The following TBC1D31 variants were observed in gnomAD, a reference collection of about 807,000 sequenced individuals.
TBC1D31 encodes the protein TBC1 domain family member 31, also known as WD repeat domain 67.
A neutral mutation model predicts 132.9 loss-of-function variants in TBC1D31; 99 were observed. The ratio of observed to expected loss-of-function variants is 0.74; its 90% CI spans 0.63 to 0.88. The LOEUF is 0.88. TBC1D31 is among the 40% of genes least tolerant of loss of function. The pLI, the probability that TBC1D31 is intolerant of heterozygous loss-of-function variation, is 0.00. For missense variants in TBC1D31, 1,134 were observed against 1,256.6 expected, an observed-to-expected ratio of 0.90 and a Z score of 1.48; for synonymous variants, 385 against 419.4, an observed-to-expected ratio of 0.92 and a Z score of 1.00.
chr8:123,110,424 T>A (rs72722014), intron 10 of TBC1D31, among the ~76,000 whole-genome samples: 7,460 of 152,248 alleles, frequency 0.049, 231 homozygotes, highest in Non-Finnish European at 0.067. Context: ...AACTAAGGCA[T>A]AGAGAGACTA....
intron 4 of TBC1D31, among the ~76,000 whole-genome samples, chr8:123,089,249 G>A (rs1364405413): frequency 3.3e-5 from 5 of 152,104 alleles, no homozygotes; most frequent in Non-Finnish European, 7.4e-5. Context: ...CAAGCATTTT[G>A]CATAAGGAAT....
intron 10 of TBC1D31, among the ~76,000 whole-genome samples, chr8:123,114,468 C>A (rs978355361): frequency 1.3e-5 from 2 of 151,864 alleles, no homozygotes; most frequent in African/African-American, 4.8e-5. Flanking sequence ...CTACAGGCAC[C>A]CCCCACCACA....
intron 8 of TBC1D31, among the ~76,000 whole-genome samples, chr8:123,108,692 T>TA (rs112491736): frequency 6.2e-4 from 94 of 152,298 alleles, no homozygotes; most frequent in African/African-American, 2.1e-3. Flanking sequence ...AACTGGCCTG[T>TA]ATTAGTCTGT....
At position 123,129,192 on chromosome 8, in the gene TBC1D31, G is replaced by A. The variant is rs748671065; in HGVS notation, c.2244G>A (p.Glu748=). The change falls in exon 15 of 22, where the codon GAG becomes GAA. Residue 748 remains glutamate (E), a synonymous_variant. Coordinates refer to ENST00000287380, the MANE Select transcript of TBC1D31 (RefSeq NM_145647.4). ...GAAGAGAAATGCTCTTACAAGAGGA[G>A]GAGAAAATGATACAACAAAGACAGA... is the stretch of plus-strand genomic sequence containing the variant. ...ETRREMLLQE[E]EKMIQQRQRL... 3 of 1,598,636 alleles carry A rather than the reference G, an allele frequency of 1.9e-6. No homozygotes were observed. Among genetic ancestry groups the A allele is most frequent in the South Asian group, 1.1e-5 (1 of 89,198 alleles).
intron 7 of TBC1D31, among the ~76,000 whole-genome samples, chr8:123,104,421 G>A (rs1341477225): frequency 6.6e-6 from 1 of 152,122 alleles, no homozygotes; most frequent in Non-Finnish European, 1.5e-5. Flanking sequence ...TCAAAAAATA[G>A]TTTAAGGATA....
chr8:123,137,917 G>A (rs1821254789), intron 17 of TBC1D31, among the ~76,000 whole-genome samples: 1 of 152,202 alleles, frequency 6.6e-6, no homozygotes. Flanking sequence ...TTATTGCACA[G>A]TGTCTGATGT....
the TBC1D31 span, among the ~76,000 whole-genome samples, chr8:123,161,658 T>G: frequency 2.6e-5 from 4 of 152,280 alleles, no homozygotes; most frequent in African/African-American, 9.6e-5. Flanking sequence ...GCAAAAGACG[T>G]AATTACCAGT....
chr8:123,160,742 C>A, the TBC1D31 span, among the ~76,000 whole-genome samples: 35 of 152,306 alleles, frequency 2.3e-4, no homozygotes, highest in African/African-American at 8.2e-4. Context: ...GCCCCATCAC[C>A]CAGACCTGCC....
At position 123,128,446 on chromosome 8, in the gene TBC1D31, A is replaced by C. The variant is rs1820296858; in HGVS notation, c.2050A>C (p.Ile684Leu). Residue 684 changes from isoleucine (I) to leucine (L), a missense_variant, in exon 14 of 22, where the codon ATT (isoleucine) becomes CTT (leucine). Physicochemically the swap from Ile to Leu is conservative, Grantham distance 5 (BLOSUM62 2). Transcript: ENST00000287380. ...YPVFNQYPKF[I>L]VDYQTQERER... Reference sequence around the variant, plus strand: ...AGTATTTAATCAATATCCAAAGTTTATTGTGGACTATCAAACACAGGAACG... The same window carrying C: ...AGTATTTAATCAATATCCAAAGTTTCTTGTGGACTATCAAACACAGGAACG... 2 of 1,613,878 alleles carry C rather than the reference A, an allele frequency of 1.2e-6. No individual in the cohort carries two copies. The highest frequency in any genetic ancestry group is 1.7e-6 in the Non-Finnish European group (2 of 1,179,884).
intron 10 of TBC1D31, among the ~76,000 whole-genome samples, chr8:123,117,802 C>A (rs940231530): frequency 5.4e-5 from 8 of 149,298 alleles, no homozygotes; most frequent in African/African-American, 2.0e-4. Context: ...TGGTGGCACA[C>A]ACCTATAGTC....
At chr8:123,124,090 A>G (rs961210811) in intron 11 of TBC1D31, among the ~76,000 whole-genome samples, 11 of 151,846 alleles carry the variant, frequency 7.2e-5, no homozygotes, top group Non-Finnish European at 1.6e-4. Flanking sequence ...AAAAGTTGCA[A>G]CTGTTTTGTT....
chr8:123,096,559 C>A (rs1401871083), intron 5 of TBC1D31, among the ~76,000 whole-genome samples: 1 of 152,196 alleles, frequency 6.6e-6, no homozygotes, highest in East Asian at 1.9e-4. Context: ...CTGCTGAGAT[C>A]AAGTTCATTT....
At chr8:123,121,067 C>T (rs948894026) in intron 11 of TBC1D31, among the ~76,000 whole-genome samples, 8 of 150,996 alleles carry the variant, frequency 5.3e-5, no homozygotes, top group Admixed American at 4.6e-4. Flanking sequence ...AATTCTCCTG[C>T]CTCAGCCTCC....
chr8:123,158,216 G>C, the TBC1D31 span, among the ~76,000 whole-genome samples: 7 of 151,686 alleles, frequency 4.6e-5, no homozygotes, highest in Non-Finnish European at 8.8e-5. Context: ...ATGGAAAACA[G>C]GTAAGGGTTT....
At chr8:123,092,423 G>A (rs2130133225) in intron 4 of TBC1D31, among the ~76,000 whole-genome samples, 1 of 152,224 alleles carries the variant, frequency 6.6e-6, no homozygotes, top group South Asian at 2.1e-4. Flanking sequence ...CAGCGGCAGT[G>A]TATGACAGTG....
intron 17 of TBC1D31, among the ~76,000 whole-genome samples, chr8:123,139,566 C>G (rs1821429658): frequency 6.6e-6 from 1 of 152,164 alleles, no homozygotes; most frequent in Non-Finnish European, 1.5e-5. Context: ...GCCTTTATCA[C>G]TCAGCTAGGC....
chr8:123,102,887 A>C (rs1473971876), intron 7 of TBC1D31: 1 of 152,274 alleles, frequency 6.6e-6, no homozygotes, highest in Admixed American at 6.5e-5. Context: ...CTGAAGCGCT[A>C]TTTATTGTTT....
intron 4 of TBC1D31, among the ~76,000 whole-genome samples, chr8:123,092,486 C>G (rs1210762406): frequency 6.6e-6 from 1 of 152,072 alleles, no homozygotes; most frequent in Non-Finnish European, 1.5e-5. Flanking sequence ...AATATAAACA[C>G]TGTATTAAAT....
At chr8:123,081,878 C>T (rs1252872977) in intron 2 of TBC1D31, among the ~76,000 whole-genome samples, 4 of 78,776 alleles carry the variant, frequency 5.1e-5, no homozygotes, top group African/African-American at 1.7e-4. Flanking sequence ...TGGGCCCCTC[C>T]CACAACATGT....
Sources: allele counts gnomAD v4.1 joint callset (sites outside exome capture counted in the v4.1 genomes callset), GRCh38; gene constraint gnomAD v4.1.1; transcripts MANE v1.5; gene names NCBI Gene and HGNC (gene_info 2026-07-23, HGNC 2026-07-21).